The following LRRC37A2 variants were observed in gnomAD, a reference collection of about 807,000 sequenced individuals.
The protein encoded by LRRC37A2 is leucine-rich repeat-containing protein 37A2.
In LRRC37A2, 9 loss-of-function variants were observed where a neutral mutation model predicts 68.8. The observed-to-expected ratio is 0.13, with a 90% CI of 0.08 to 0.23. LRRC37A2 has a LOEUF of 0.23. Ranked by LOEUF, LRRC37A2 falls within the 10% of genes least tolerant of loss-of-function variation. The probability of loss-of-function intolerance (pLI) is 1.00; values close to 1 mark genes in which losing one functional copy is unlikely to be tolerated. For missense variants in LRRC37A2, 168 were observed against 950.4 expected (o/e 0.18, Z 10.82); for synonymous variants, 63 against 367.6 (o/e 0.17, Z 9.48).
chr17:46,810,004 C>CTTTTTTTTTTTTTTT, the LRRC37A2 span, among the ~76,000 whole-genome samples: 1 of 126,390 alleles, frequency 7.9e-6, no homozygotes, highest in Non-Finnish European at 1.6e-5. Flanking sequence ...TTCTTTCTTT[C>CTTTTTTTTTTTTTTT]TTTTTTTTTT....
chr17:46,747,707 T>G, the LRRC37A2 span, among the ~76,000 whole-genome samples: 1 of 152,212 alleles, frequency 6.6e-6, no homozygotes, highest in Admixed American at 6.5e-5. Context: ...AAATTGATAC[T>G]AACCTGAAAA....
chr17:46,855,230 G>A, the LRRC37A2 span, among the ~76,000 whole-genome samples: 1 of 152,240 alleles, frequency 6.6e-6, no homozygotes, highest in Non-Finnish European at 1.5e-5. Flanking sequence ...CGAAGGGGGT[G>A]AGGGTGGAGG....
At chr17:46,833,816 T>G in the LRRC37A2 span, among the ~76,000 whole-genome samples, 3 of 152,126 alleles carry the variant, frequency 2.0e-5, no homozygotes, top group Non-Finnish European at 2.9e-5. Context: ...GAGGCTTGCT[T>G]TTCCTTCAAC....
chr17:46,952,438 A>T, the LRRC37A2 span, among the ~76,000 whole-genome samples: 5 of 152,096 alleles, frequency 3.3e-5, no homozygotes, highest in African/African-American at 1.2e-4. Flanking sequence ...CACTAGCTAC[A>T]CGCCACTTTT....
the LRRC37A2 span, among the ~76,000 whole-genome samples, chr17:46,833,847 G>C: frequency 6.6e-6 from 1 of 152,068 alleles, no homozygotes; most frequent in Admixed American, 6.6e-5. Flanking sequence ...TCTTTTTCTG[G>C]CTGGAGTGTG....
At chr17:46,559,296 GGAGCC>G (rs2057479684), downstream of LRRC37A2, 1 of 5,914 alleles carries the variant, frequency 1.7e-4, no homozygotes, top group African/African-American at 1.8e-3. Flanking sequence ...GGAACCGGTT[GGAGCC>G]GAGGCTTTAG....
At chr17:46,494,481 A>G in the LRRC37A2 span, among the ~76,000 whole-genome samples, 1 of 149,098 alleles carries the variant, frequency 6.7e-6, no homozygotes, top group African/African-American at 2.5e-5. Flanking sequence ...TATGTAAATG[A>G]ATGATAATGG....
At chr17:47,000,063 T>TAAA in the LRRC37A2 span, among the ~76,000 whole-genome samples, 37 of 17,698 alleles carry the variant, frequency 2.1e-3, 1 homozygote, top group East Asian at 0.03. Context: ...TAAAATAAAA[T>TAAA]TAAAATAAAA....
At chr17:46,823,142 TTA>T in the LRRC37A2 span, among the ~76,000 whole-genome samples, 22 of 131,370 alleles carry the variant, frequency 1.7e-4, no homozygotes, top group African/African-American at 5.4e-4. Context: ...ATATATTATA[TTA>T]TATATATTTA....
the LRRC37A2 span, among the ~76,000 whole-genome samples, chr17:46,688,236 C>T: frequency 6.6e-6 from 1 of 150,800 alleles, no homozygotes; most frequent in South Asian, 2.1e-4. Context: ...GGAAGCTGGG[C>T]CCAATGGCTC....
At chr17:46,789,595 C>CTTATTA in the LRRC37A2 span, among the ~76,000 whole-genome samples, 16 of 151,460 alleles carry the variant, frequency 1.1e-4, no homozygotes, top group Middle Eastern at 6.8e-3. Context: ...GAGGTAACCT[C>CTTATTA]TCAGGGAACA....
At chr17:46,941,740 A>ATT in the LRRC37A2 span, 4,064 of 149,782 alleles carry the variant, frequency 0.027, 95 homozygotes, top group African/African-American at 0.065. Context: ...TGTCTGGCTA[A>ATT]TTTTTTTTTT....
the LRRC37A2 span, among the ~76,000 whole-genome samples, chr17:46,950,740 C>T: frequency 6.6e-6 from 1 of 152,140 alleles, no homozygotes; most frequent in African/African-American, 2.4e-5. Context: ...TGGGGGCACT[C>T]TTCTGTGGTG....
At chr17:46,728,855 A>C in the LRRC37A2 span, 4 of 1,599,300 alleles carry the variant, frequency 2.5e-6, no homozygotes, top group Non-Finnish European at 3.4e-6. Context: ...TCTTTTCCAG[A>C]TTACGTCCCT....
At chr17:46,845,848 T>C in the LRRC37A2 span, among the ~76,000 whole-genome samples, 8 of 142,348 alleles carry the variant, frequency 5.6e-5, no homozygotes, top group African/African-American at 2.1e-4. Context: ...TAGAGTGCAG[T>C]GGTGTGGTCT....
chr17:46,750,603 A>G, the LRRC37A2 span, among the ~76,000 whole-genome samples: 1 of 152,218 alleles, frequency 6.6e-6, no homozygotes, highest in Non-Finnish European at 1.5e-5. Flanking sequence ...AGAAAGATGA[A>G]TATACATGAC....
At chr17:46,613,215 T>C in the LRRC37A2 span, among the ~76,000 whole-genome samples, 1 of 24,674 alleles carries the variant, frequency 4.1e-5, no homozygotes, top group Non-Finnish European at 1.3e-4. Flanking sequence ...GAATTTGAGG[T>C]TACAGTGAGC....
chr17:46,934,503 C>T, the LRRC37A2 span, among the ~76,000 whole-genome samples: 1 of 152,132 alleles, frequency 6.6e-6, no homozygotes, highest in Non-Finnish European at 1.5e-5. Context: ...CCCTGGGTGA[C>T]AGAGGGAAAC....
the LRRC37A2 span, among the ~76,000 whole-genome samples, chr17:46,857,458 G>C: frequency 1.5e-5 from 2 of 129,906 alleles, no homozygotes; most frequent in Admixed American, 8.7e-5. Context: ...CTGGGCAACA[G>C]AGCAAGACTC....
Sources: allele counts gnomAD v4.1 joint callset (sites outside exome capture counted in the v4.1 genomes callset), GRCh38; gene constraint gnomAD v4.1.1; transcripts MANE v1.5; gene names NCBI Gene and HGNC (gene_info 2026-07-23, HGNC 2026-07-21).